Variants in TRPC5 observed in about 807,000 individuals in gnomAD.
The protein encoded by TRPC5 is short transient receptor potential channel 5.
Under a neutral mutation model 56.5 loss-of-function variants are expected in TRPC5, and 9 were observed. The ratio of observed to expected loss-of-function variants is 0.16; its 90% CI spans 0.10 to 0.28. The LOEUF (loss-of-function observed/expected upper bound fraction) is 0.28, where lower values mean the gene tolerates loss of function less well. Ranked by LOEUF, TRPC5 falls within the 10% of genes least tolerant of loss-of-function variation. The probability of loss-of-function intolerance (pLI) is 1.00; values close to 1 mark genes in which losing one functional copy is unlikely to be tolerated. For synonymous variants in TRPC5, 282 were observed against 278.5 expected (o/e 1.01, Z -0.13); for missense variants, 469 against 748.9 (o/e 0.63, Z 4.36).
chrX:111,843,937 TGAGA>T (rs1423979268), intron 6 of TRPC5, among the ~76,000 whole-genome samples: 17 of 87,628 alleles, frequency 1.9e-4, no homozygotes, highest in East Asian at 3.7e-4. Flanking sequence ...AGAGAGAGAA[TGAGA>T]GAGAGACAGA....
intron 10 of TRPC5, among the ~76,000 whole-genome samples, chrX:111,778,394 G>A (rs975288288): frequency 9.0e-6 from 1 of 111,434 alleles, no homozygotes; most frequent in Non-Finnish European, 1.9e-5. Context: ...TGTTGTGGGA[G>A]ACTGTACTAT....
chrX:111,858,743 A>G (rs1441400929), intron 3 of TRPC5, among the ~76,000 whole-genome samples: 1 of 111,785 alleles, frequency 8.9e-6, no homozygotes, highest in Admixed American at 9.5e-5. Context: ...CCATTGTATG[A>G]GGGTGAAGTT....
At chrX:111,822,120 C>T (rs142385918) in intron 7 of TRPC5, among the ~76,000 whole-genome samples, 93 of 111,756 alleles carry the variant, frequency 8.3e-4, no homozygotes, top group African/African-American at 2.9e-3. Context: ...TTACACCGAC[C>T]TGATTCTTTG....
At chrX:111,862,506 A>G in intron 3 of TRPC5, among the ~76,000 whole-genome samples, 1 of 112,352 alleles carries the variant, frequency 8.9e-6, no homozygotes. Flanking sequence ...CTGTTGTCAT[A>G]TCTAAGAAAT....
rs1462171827 is a variant in TRPC5, at chrX:111,937,170, C to T, written c.378+14873G>A. Among the ~76,000 whole-genome samples, 19 of 106,017 alleles carry T rather than the reference C, an allele frequency of 1.8e-4. 1 individual carries two copies. Among genetic ancestry groups the T allele is most frequent in the East Asian group, 5.6e-4 (2 of 3,552 alleles). The allele number at this position is 106,017 out of a possible 115,157, so 92.1% of individuals were successfully genotyped here. A position where few individuals can be genotyped will look rare whatever the true frequency, so the allele number is the denominator to read the frequency against. ...TTGAGAAGTGTCTGTTCATGTCCTT[C>T]GCCCACTTTTTGATGGAGTTGTTTG... On this transcript the variant is annotated intron_variant, in intron 2 of 10. Coordinates refer to ENST00000262839, the MANE Select transcript of TRPC5 (RefSeq NM_012471.3).
At chrX:111,920,843 C>T (rs1473427058) in intron 2 of TRPC5, among the ~76,000 whole-genome samples, 1 of 111,651 alleles carries the variant, frequency 9.0e-6, no homozygotes, top group African/African-American at 3.3e-5. Context: ...GTGGATTCTG[C>T]TACTACTGGT....
chrX:112,030,903 C>T (rs897513026), intron 1 of TRPC5, among the ~76,000 whole-genome samples: 17 of 111,043 alleles, frequency 1.5e-4, no homozygotes, highest in Non-Finnish European at 2.3e-4. Context: ...TATTTTATAT[C>T]TATCTCACTT....
At chrX:111,968,475 G>C (rs1297669922) in intron 1 of TRPC5, among the ~76,000 whole-genome samples, 3 of 111,253 alleles carry the variant, frequency 2.7e-5, no homozygotes, top group African/African-American at 9.8e-5. Flanking sequence ...CCATTACTGG[G>C]TATATACCCA....
At chrX:112,049,961 A>G (rs1930171944) in intron 1 of TRPC5, among the ~76,000 whole-genome samples, 1 of 112,153 alleles carries the variant, frequency 8.9e-6, no homozygotes, top group Admixed American at 9.4e-5. Flanking sequence ...GGATCACCTG[A>G]GGTCAGGAGT....
Position 111,853,790 on chromosome X carries a change from A to T in TRPC5, c.1217T>A (p.Met406Lys). 8.3e-7 allele frequency: 1 copy of T among 1,211,498 alleles called. No homozygotes were observed. Among genetic ancestry groups the T allele is most frequent in the East Asian group, 3.0e-5 (1 of 33,830 alleles). The part of the protein sequence containing the change: ...QGPPPTVVEW[M>K]ILPWVLGFIW... The stretch of plus-strand genomic sequence containing the variant: ...CTTACCTAGAACCCAAGGCAATATC[A>T]TCCATTCCACGACAGTTGGGGGAGG... The change falls in exon 4 of 11, where the codon ATG becomes AAG. Residue 406 changes from methionine (M) to lysine (K), a missense_variant. By Grantham distance (95) the Met-to-Lys change is moderately conservative. Around this residue, in one of 3 missense-constraint regions of TRPC5, gnomAD observed 157 missense variants for 360.0 expected, o/e 0.44. Coordinates refer to ENST00000262839, the MANE Select transcript of TRPC5 (RefSeq NM_012471.3).
intron 3 of TRPC5, among the ~76,000 whole-genome samples, chrX:111,891,980 C>T (rs1924829815): frequency 8.9e-6 from 1 of 112,286 alleles, no homozygotes; most frequent in Non-Finnish European, 1.9e-5. Context: ...TCATTAAAAA[C>T]AGAAGGGCCT....
intron 1 of TRPC5, among the ~76,000 whole-genome samples, chrX:111,984,943 G>C (rs1928175062): frequency 8.9e-6 from 1 of 112,217 alleles, no homozygotes; most frequent in Non-Finnish European, 1.9e-5. Context: ...ACTATATCTA[G>C]TACAGCAGCT....
At chrX:111,925,763 T>C (rs1360986474) in intron 2 of TRPC5, among the ~76,000 whole-genome samples, 4 of 111,818 alleles carry the variant, frequency 3.6e-5, no homozygotes, top group Non-Finnish European at 5.6e-5. Flanking sequence ...CTGAAGGTAG[T>C]GGAAACATTG....
chrX:111,913,869 A>G (rs1338995583), intron 2 of TRPC5, among the ~76,000 whole-genome samples: 2 of 108,472 alleles, frequency 1.8e-5, no homozygotes, highest in Non-Finnish European at 3.8e-5. Flanking sequence ...CTGAGGCAGG[A>G]GAATGGCATG....
intron 1 of TRPC5, among the ~76,000 whole-genome samples, chrX:112,006,037 C>A (rs1376911913): frequency 9.0e-6 from 1 of 111,635 alleles, no homozygotes; most frequent in African/African-American, 3.3e-5. Context: ...CCCTCTGAAA[C>A]CCAGTTGGCA....
chrX:112,016,132 T>G (rs1477032537), intron 1 of TRPC5, among the ~76,000 whole-genome samples: 2 of 111,803 alleles, frequency 1.8e-5, no homozygotes, highest in Non-Finnish European at 3.8e-5. Context: ...TTAATTATTC[T>G]CTACAAAGAT....
intron 1 of TRPC5, among the ~76,000 whole-genome samples, chrX:111,964,921 G>A (rs893237422): frequency 5.4e-5 from 6 of 111,609 alleles, no homozygotes; most frequent in African/African-American, 1.3e-4. Context: ...ATCAACTAAC[G>A]AGCAAAATAA....
intron 1 of TRPC5, among the ~76,000 whole-genome samples, chrX:112,080,597 A>G (rs1415891940): frequency 8.9e-6 from 1 of 111,797 alleles, no homozygotes; most frequent in Non-Finnish European, 1.9e-5. Context: ...TTTATCCCAG[A>G]CTATATATTT....
intron 7 of TRPC5, among the ~76,000 whole-genome samples, chrX:111,791,533 C>G (rs1397819646): frequency 8.9e-6 from 1 of 112,404 alleles, no homozygotes; most frequent in Non-Finnish European, 1.9e-5. Flanking sequence ...CAGGAATAGG[C>G]AGGTATTCTG....
Sources: gnomAD v4.1 joint callset for allele counts (sites outside exome capture counted in the v4.1 genomes callset) on GRCh38, gnomAD v4.1.1 for gene constraint, gnomAD v4.1.1 regional missense constraint, MANE v1.5 for transcripts, NCBI Gene and HGNC (gene_info 2026-07-23, HGNC 2026-07-21) for gene names.